TANC2: variants seen among roughly 807,000 people sequenced by gnomAD.
TANC2 encodes the protein tetratricopeptide repeat, ankyrin repeat and coiled-coil containing 2.
In TANC2, 26 loss-of-function variants were observed where a neutral mutation model predicts 210.5. The ratio of observed to expected loss-of-function variants is 0.12; its 90% CI spans 0.09 to 0.17. TANC2 has a LOEUF of 0.17. Among genes scored for constraint, TANC2 ranks in the 10% least tolerant of loss-of-function variants. The probability of loss-of-function intolerance (pLI) is 1.00; values close to 1 mark genes in which losing one functional copy is unlikely to be tolerated. For missense variants in TANC2, 2,129 were observed against 2,608.9 expected (o/e 0.82, Z 4.01); for synonymous variants, 931 against 967.1 (o/e 0.96, Z 0.69).
At chr17:62,989,453 G>C (rs2032742853) in intron 1 of TANC2, among the ~76,000 whole-genome samples, 1 of 152,110 alleles carries the variant, frequency 6.6e-6, no homozygotes, top group African/African-American at 2.4e-5. Context: ...GTTGTTTCTT[G>C]ATGTTATTTA....
intron 11 of TANC2, chr17:63,332,524 A>G: frequency 2.6e-6 from 1 of 388,770 alleles, no homozygotes; most frequent in Admixed American, 2.9e-5. Flanking sequence ...CTGGATTTAG[A>G]AATGCCAGCA....
Position 63,354,327 on chromosome 17 carries a change from G to A in TANC2, c.1975-456G>A, listed in dbSNP as rs148181511. ...TAGTCATTTTATACATCTGTGTTGT[G>A]TGGGAAATTTTTTTTTAAATAGTCA... On this transcript the variant is annotated intron_variant, in intron 13 of 27. Coordinates refer to ENST00000689528, the Ensembl canonical transcript of TANC2. 3.3e-3 allele frequency among the ~76,000 whole-genome samples: 506 copies of A among 152,282 alleles called. 3 individuals are homozygous for A. Among genetic ancestry groups the A allele is most frequent in the Non-Finnish European group, 5.3e-3 (363 of 68,002 alleles).
intron 15 of TANC2, among the ~76,000 whole-genome samples, chr17:63,380,802 C>A (rs1172610567): frequency 6.6e-6 from 1 of 152,176 alleles, no homozygotes; most frequent in Non-Finnish European, 1.5e-5. Flanking sequence ...AAGCACAGAG[C>A]CAGAGCAGCC....
intron 14 of TANC2, among the ~76,000 whole-genome samples, chr17:63,358,350 AGT>A (rs2046838569): frequency 3.5e-5 from 5 of 141,490 alleles, no homozygotes; most frequent in African/African-American, 1.4e-4. Flanking sequence ...AGGTGAGTAG[AGT>A]GAGAGAGAGA....
At chr17:62,994,447 G>C (rs1344024588) in intron 1 of TANC2, among the ~76,000 whole-genome samples, 1 of 151,786 alleles carries the variant, frequency 6.6e-6, no homozygotes, top group Admixed American at 6.6e-5. Flanking sequence ...TAGGAGGAAA[G>C]TGTTCAGTTT....
intron 24 of TANC2, chr17:63,413,214 T>A (rs771327779): frequency 8.1e-6 from 2 of 247,364 alleles, no homozygotes; most frequent in Non-Finnish European, 1.5e-5. Flanking sequence ...TGGTAATGTT[T>A]AATATAAATC....
chr17:63,293,769 G>T (rs1040846805), intron 9 of TANC2, among the ~76,000 whole-genome samples: 1 of 151,810 alleles, frequency 6.6e-6, no homozygotes, highest in Non-Finnish European at 1.5e-5. Flanking sequence ...TCCCGTGGGT[G>T]CCCGCCACCC....
chr17:63,171,101 T>C (rs1404136083), intron 5 of TANC2, among the ~76,000 whole-genome samples: 13 of 144,770 alleles, frequency 9.0e-5, no homozygotes, highest in Admixed American at 6.8e-4. Context: ...TTTTTTTTTT[T>C]TTGAGATGGA....
rs983553106 is a variant in TANC2, at chr17:63,302,827, G to T, written c.1160-11561G>T. ...TGCCCAGGGTGGAGTGCAGTGACAT[G>T]ATCTCAGCTCACTGCAACCTCTAAC... On this transcript the variant is annotated intron_variant, in intron 9 of 27. Coordinates refer to ENST00000689528, the Ensembl canonical transcript of TANC2. Among the ~76,000 whole-genome samples, 4 of 151,784 alleles carry T rather than the reference G, an allele frequency of 2.6e-5. No homozygotes were observed. The South Asian group carries it at 8.4e-4, about 32-fold the overall frequency.
intron 11 of TANC2, among the ~76,000 whole-genome samples, chr17:63,338,135 A>G (rs1476890508): frequency 6.6e-6 from 1 of 152,222 alleles, no homozygotes; most frequent in Non-Finnish European, 1.5e-5. Context: ...ATTTATACCC[A>G]GTAATGGGAT....
intron 8 of TANC2, among the ~76,000 whole-genome samples, chr17:63,259,120 C>T (rs1378738673): frequency 6.6e-6 from 1 of 152,160 alleles, no homozygotes. Context: ...GAAAAGTCTT[C>T]TGGGAGCTAG....
intron 2 of TANC2, among the ~76,000 whole-genome samples, chr17:63,066,876 G>A (rs2036218919): frequency 1.3e-5 from 2 of 152,104 alleles, no homozygotes. Context: ...GAAATGGAAA[G>A]TGCTGAAAAG....
intron 9 of TANC2, among the ~76,000 whole-genome samples, chr17:63,286,433 A>G (rs1359322733): frequency 6.6e-6 from 1 of 152,188 alleles, no homozygotes; most frequent in East Asian, 1.9e-4. Flanking sequence ...AAAACTACAG[A>G]TCCACTGCCT....
intron 4 of TANC2, among the ~76,000 whole-genome samples, chr17:63,105,258 G>A (rs2037782268): frequency 6.6e-6 from 1 of 151,662 alleles, no homozygotes; most frequent in Non-Finnish European, 1.5e-5. Flanking sequence ...GAATGACCAT[G>A]TGGCAATCCA....
intron 2 of TANC2, among the ~76,000 whole-genome samples, chr17:63,062,157 CTT>C (rs1195675750): frequency 6.6e-6 from 1 of 151,918 alleles, no homozygotes; most frequent in Non-Finnish European, 1.5e-5. Context: ...CCTTTCCTGT[CTT>C]TGGGATTTGA....
chr17:63,337,315 A>G (rs914261494), intron 11 of TANC2, among the ~76,000 whole-genome samples: 11 of 152,180 alleles, frequency 7.2e-5, no homozygotes, highest in African/African-American at 2.6e-4. Flanking sequence ...TTTCTGCCTC[A>G]TACCTTTGTG....
At chr17:63,192,403 CTCT>C (rs2041216131) in intron 5 of TANC2, among the ~76,000 whole-genome samples, 1 of 152,160 alleles carries the variant, frequency 6.6e-6, no homozygotes, top group Non-Finnish European at 1.5e-5. Context: ...AGTTATCTGT[CTCT>C]TAAGAACCTC....
At position 63,069,247 on chromosome 17, in the gene TANC2, A is replaced by G. The variant is rs542250640; in HGVS notation, c.68-4696A>G. ...CATTTACATTATGAACATATTTCTCAGCTATTGGCACTGTTGAAATCTGAG... is the reference window on the plus strand; with the variant it reads ...CATTTACATTATGAACATATTTCTCGGCTATTGGCACTGTTGAAATCTGAG... On this transcript the variant is annotated intron_variant, in intron 2 of 27. Transcript: ENST00000689528. Among the ~76,000 whole-genome samples the G allele has an allele frequency of 1.1e-4, 17 of 152,316 alleles. No homozygotes were observed. The South Asian group carries it at 3.5e-3, about 32-fold the overall frequency.
chr17:63,092,762 A>G (rs2037247327), intron 3 of TANC2, among the ~76,000 whole-genome samples: 1 of 152,058 alleles, frequency 6.6e-6, no homozygotes, highest in Non-Finnish European at 1.5e-5. Flanking sequence ...ACAAGCTATG[A>G]GGGATCCCCC....
Sources: allele counts gnomAD v4.1 joint callset (sites outside exome capture counted in the v4.1 genomes callset), GRCh38; gene constraint gnomAD v4.1.1; transcripts MANE v1.5; gene names NCBI Gene and HGNC (gene_info 2026-07-23, HGNC 2026-07-21).